SLC30A7: variants seen among roughly 807,000 people sequenced by gnomAD.
The protein encoded by SLC30A7 is zinc transporter 7.
SLC30A7 carries 35 observed loss-of-function variants against 46.0 expected under a neutral mutation model. The ratio of observed to expected loss-of-function variants is 0.76; its 90% CI spans 0.58 to 1.01. The LOEUF (loss-of-function observed/expected upper bound fraction) is 1.01. Ranked by LOEUF, SLC30A7 falls within the 50% of genes least tolerant of loss-of-function variation. The pLI, the probability that SLC30A7 is intolerant of heterozygous loss-of-function variation, is 0.00. For missense variants in SLC30A7, 464 were observed against 451.1 expected (o/e 1.03, Z -0.26); for synonymous variants, 147 against 157.8 (o/e 0.93, Z 0.51).
At chr1:100,906,206 C>T (rs1160713575) in intron 2 of SLC30A7, among the ~76,000 whole-genome samples, 1 of 152,150 alleles carries the variant, frequency 6.6e-6, no homozygotes, top group East Asian at 1.9e-4. Context: ...AGGGTTCTTG[C>T]TCCACTCTCA....
chr1:100,899,676 C>G (rs1440377491), intron 2 of SLC30A7, among the ~76,000 whole-genome samples: 5 of 152,122 alleles, frequency 3.3e-5, no homozygotes, highest in East Asian at 3.8e-4. Flanking sequence ...GAGTAATACT[C>G]TGTTTCAAAA....
intron 2 of SLC30A7, among the ~76,000 whole-genome samples, chr1:100,899,210 G>C (rs1453243187): frequency 1.3e-5 from 2 of 152,086 alleles, no homozygotes; most frequent in African/African-American, 2.4e-5. Flanking sequence ...TCTTATGCAG[G>C]CACTTCAGTA....
intron 3 of SLC30A7, among the ~76,000 whole-genome samples, chr1:100,908,283 C>T (rs544519832): frequency 1.3e-5 from 2 of 152,120 alleles, no homozygotes; most frequent in Non-Finnish European, 2.9e-5. Flanking sequence ...TTCACATGCT[C>T]TTGTTCTGTT....
At chr1:100,908,832 CAGT>C (rs1321143144) in intron 3 of SLC30A7, among the ~76,000 whole-genome samples, 1 of 152,000 alleles carries the variant, frequency 6.6e-6, no homozygotes, top group African/African-American at 2.4e-5. Flanking sequence ...TCTGAATAAA[CAGT>C]AGCTGACTAT....
chr1:100,921,759 T>C lies in SLC30A7; in HGVS notation c.760T>C (p.Ser254Pro). 6.2e-7 allele frequency: 1 copy of C among 1,612,966 alleles called. No homozygotes were observed. Among genetic ancestry groups the C allele is most frequent in the African/African-American group, 1.3e-5 (1 of 75,032 alleles). Residue 254 changes from serine (S) to proline (P), a missense_variant, in exon 8 of 11, where the codon TCT becomes CCT. Coordinates refer to ENST00000357650, the MANE Select transcript of SLC30A7 (RefSeq NM_133496.5). ...DTLGSIGVIA[S>P]AIMMQNFGLM... ...ACTTGGAAGTATTGGTGTAATTGCT[T>C]CTGCCATCATGATGCAAAATTTTGG... is the stretch of plus-strand genomic sequence containing the variant.
chr1:100,990,257 G>C, the SLC30A7 span: 1 of 682,256 alleles, frequency 1.5e-6, no homozygotes, highest in South Asian at 1.8e-5. Flanking sequence ...AATAGCATGA[G>C]GGAAACTGCC....
chr1:100,916,490 G>T (rs770401943), intron 6 of SLC30A7, among the ~76,000 whole-genome samples: 10 of 152,036 alleles, frequency 6.6e-5, no homozygotes, highest in Admixed American at 2.0e-4. Context: ...CAACCAGTAG[G>T]TGTATATTGT....
intron 8 of SLC30A7, among the ~76,000 whole-genome samples, chr1:100,952,077 C>A (rs1654985402): frequency 6.6e-6 from 1 of 152,214 alleles, no homozygotes; most frequent in Non-Finnish European, 1.5e-5. Flanking sequence ...CTCTAGATGT[C>A]ACGAAAGTCA....
At chr1:100,896,460 T>C in intron 1 of SLC30A7, 110 bp from the exon 2 acceptor site, 1 of 1,433,330 alleles carries the variant, frequency 7.0e-7, no homozygotes, top group Non-Finnish European at 9.8e-7. Context: ...AACCCCTAGC[T>C]GTGAAGAAAG....
At chr1:100,912,042 C>T in intron 4 of SLC30A7, 70 bp from the exon 5 acceptor site, 1 of 1,387,350 alleles carries the variant, frequency 7.2e-7, no homozygotes, top group Non-Finnish European at 1.0e-6. Context: ...TTAATGTTGT[C>T]TTATGATTTT....
rs147837812 is a variant in SLC30A7 at position 100,953,348 on chromosome 1, T to G, written c.843-8480T>G. Among the ~76,000 whole-genome samples, 3 of 152,334 alleles carry G rather than the reference T, an allele frequency of 2.0e-5. No individual in the cohort carries two copies. The East Asian group carries it at 5.8e-4, about 29-fold the overall frequency. On this transcript the variant is annotated intron_variant, in intron 8 of 10. Coordinates refer to ENST00000357650, the MANE Select transcript of SLC30A7 (RefSeq NM_133496.5). Reference sequence around the variant, plus strand: ...CTGATAGCTAGTTGAAACCAGAGATTAATTAGCATTTTGGTCCTATTCCTT... The same window carrying G: ...CTGATAGCTAGTTGAAACCAGAGATGAATTAGCATTTTGGTCCTATTCCTT...
chr1:100,915,341 G>A (rs144714535), intron 6 of SLC30A7, among the ~76,000 whole-genome samples: 33 of 151,260 alleles, frequency 2.2e-4, no homozygotes, highest in African/African-American at 5.8e-4. Context: ...ATACAATACA[G>A]TATTAGCTAT....
intron 2 of SLC30A7, among the ~76,000 whole-genome samples, chr1:100,900,236 T>A (rs974229809): frequency 6.6e-6 from 1 of 152,226 alleles, no homozygotes; most frequent in Non-Finnish European, 1.5e-5. Context: ...ATTTCAGTAG[T>A]ATTTCTTACC....
At chr1:100,923,166 G>A (rs1312144589) in intron 8 of SLC30A7, among the ~76,000 whole-genome samples, 2 of 136,790 alleles carry the variant, frequency 1.5e-5, no homozygotes, top group Non-Finnish European at 3.2e-5. Flanking sequence ...ACAGGCGCCC[G>A]CCACCTCGCC....
intron 9 of SLC30A7, among the ~76,000 whole-genome samples, chr1:100,963,354 A>T (rs1333608193): frequency 6.6e-6 from 1 of 152,142 alleles, no homozygotes; most frequent in African/African-American, 2.4e-5. Context: ...GAAGTAATTA[A>T]CTGTGTTGAA....
intron 2 of SLC30A7, among the ~76,000 whole-genome samples, chr1:100,899,874 AT>A (rs1651192743): frequency 6.6e-6 from 1 of 151,902 alleles, no homozygotes; most frequent in African/African-American, 2.4e-5. Context: ...TTTCACTAAA[AT>A]TTTATCACAT....
the SLC30A7 span, among the ~76,000 whole-genome samples, chr1:100,986,829 T>A: frequency 1.3e-5 from 2 of 152,228 alleles, no homozygotes; most frequent in African/African-American, 4.8e-5. Flanking sequence ...GAAACCGTTC[T>A]GTATCTAGAT....
chr1:100,989,247 T>C, the SLC30A7 span, among the ~76,000 whole-genome samples: 1 of 152,258 alleles, frequency 6.6e-6, no homozygotes, highest in Non-Finnish European at 1.5e-5. Flanking sequence ...ATTGTTGCCT[T>C]AAAACTTACA....
intron 8 of SLC30A7, among the ~76,000 whole-genome samples, chr1:100,957,281 A>T (rs1165181914): frequency 6.6e-6 from 1 of 152,204 alleles, no homozygotes; most frequent in South Asian, 2.1e-4. Context: ...ATCGCTTAAT[A>T]TTGATTGCTT....
Sources: allele counts gnomAD v4.1 joint callset (sites outside exome capture counted in the v4.1 genomes callset), GRCh38; gene constraint gnomAD v4.1.1; transcripts MANE v1.5; gene names NCBI Gene and HGNC (gene_info 2026-07-23, HGNC 2026-07-21).